Variants in CCDC6 observed in about 807,000 individuals in gnomAD.
The protein encoded by CCDC6 is coiled-coil domain-containing protein 6.
A neutral mutation model predicts 56.6 loss-of-function variants in CCDC6; 20 were observed. That is an observed-to-expected ratio of 0.35 (90% CI 0.25 to 0.51). The LOEUF is 0.51. CCDC6 is among the 20% of genes least tolerant of loss of function. The probability of loss-of-function intolerance (pLI) is 0.95; values close to 1 mark genes in which losing one functional copy is unlikely to be tolerated. For missense variants in CCDC6, 367 were observed against 601.1 expected (o/e 0.61, Z 4.07); for synonymous variants, 241 against 234.4 (o/e 1.03, Z -0.26).
intron 1 of CCDC6, 85 bp downstream of exon 1, chr10:59,906,037 A>T (rs1589069206): frequency 8.5e-7 from 1 of 1,177,592 alleles, no homozygotes; most frequent in East Asian, 2.5e-5. Flanking sequence ...TCTGGGGAAG[A>T]CTTGGGGGGT....
At chr10:59,892,860 T>C (rs938226542) in intron 1 of CCDC6, among the ~76,000 whole-genome samples, 2 of 152,144 alleles carry the variant, frequency 1.3e-5, no homozygotes, top group Admixed American at 6.5e-5. Context: ...ACATAAGTCC[T>C]GTAGGGCCTG....
intron 3 of CCDC6, among the ~76,000 whole-genome samples, chr10:59,826,956 C>T (rs765135973): frequency 5.3e-5 from 8 of 152,198 alleles, no homozygotes; most frequent in Non-Finnish European, 1.0e-4. Flanking sequence ...TCAACCTTGT[C>T]TCGGCCCTCC....
intron 1 of CCDC6, among the ~76,000 whole-genome samples, chr10:59,878,008 T>G (rs2071299414): frequency 6.6e-6 from 1 of 152,206 alleles, no homozygotes; most frequent in Non-Finnish European, 1.5e-5. Flanking sequence ...CACAACTAAG[T>G]TCGGGTATCT....
chr10:59,808,955 T>C (rs1174872696), intron 5 of CCDC6, among the ~76,000 whole-genome samples: 3 of 152,340 alleles, frequency 2.0e-5, no homozygotes, highest in Admixed American at 1.3e-4. Context: ...ACTAAATCCC[T>C]TGGCTGTTTC....
chr10:59,805,976 G>A (rs2070619083), intron 6 of CCDC6, among the ~76,000 whole-genome samples: 1 of 152,154 alleles, frequency 6.6e-6, no homozygotes. Flanking sequence ...TCAACAGGCA[G>A]TACTACTCGT....
rs540299060 is a variant in CCDC6, at chr10:59,897,447, GT to G, written c.303+8674del. On this transcript the variant is annotated intron_variant, in intron 1 of 8. Transcript: ENST00000263102. ...TTTTTGTATTTTTAGTAGAGAAGGG[GT>G]TTCTCCATGTTAGTCAGGCTGGTCT... Among the ~76,000 whole-genome samples, 783 of 152,154 alleles carry G rather than the reference GT, an allele frequency of 5.1e-3. 4 individuals carry two copies. The highest frequency in any genetic ancestry group is 8.2e-3 in the Non-Finnish European group (557 of 68,002).
rs1172379933 is a variant in CCDC6, at chr10:59,876,073, C to CTTTTTTTTTTTTTTTTT, written c.304-23388_304-23372dup. On this transcript the variant is annotated intron_variant, in intron 1 of 8. Coordinates refer to ENST00000263102, the MANE Select transcript of CCDC6 (RefSeq NM_005436.5). ...CATACACGAGTGCATGCACAGATGT[C>CTTTTTTTTTTTTTTTTT]TTTTTTTTTTTTTTTTTTCAGATCG... Among the ~76,000 whole-genome samples the CTTTTTTTTTTTTTTTTT allele has an allele frequency of 8.2e-5, 8 of 97,584 alleles. 2 individuals are homozygous for CTTTTTTTTTTTTTTTTT. The highest frequency in any genetic ancestry group is 1.3e-4 in the Admixed American group (1 of 7,822). 64.0% of individuals were successfully genotyped at this position (97,584 alleles called of 152,430 possible). A position where few individuals can be genotyped will look rare whatever the true frequency, so the allele number is the denominator to read the frequency against.
chr10:59,886,075 G>T (rs1171814), intron 1 of CCDC6, among the ~76,000 whole-genome samples: 64,417 of 152,048 alleles, frequency 0.42, 14,706 homozygotes, highest in East Asian at 0.63. Context: ...TAATATCTGT[G>T]AGATGAACAA....
At chr10:59,838,577 T>C (rs1432733692) in intron 2 of CCDC6, among the ~76,000 whole-genome samples, 4 of 152,222 alleles carry the variant, frequency 2.6e-5, no homozygotes, top group South Asian at 2.1e-4. Context: ...TCAGGGTTCA[T>C]GCATGCAGCA....
intron 2 of CCDC6, among the ~76,000 whole-genome samples, chr10:59,834,690 G>A (rs75786803): frequency 0.014 from 2,067 of 152,130 alleles, 54 homozygotes; most frequent in African/African-American, 0.045. Context: ...AAATAACCTC[G>A]TCAATCTTGC....
At chr10:59,837,498 A>G (rs2070892960) in intron 2 of CCDC6, among the ~76,000 whole-genome samples, 1 of 152,130 alleles carries the variant, frequency 6.6e-6, no homozygotes, top group Non-Finnish European at 1.5e-5. Flanking sequence ...TAATCCCAGC[A>G]CTTGGGAGGC....
rs112928395 is a variant in CCDC6 at position 59,805,995 on chromosome 10, T to C, written c.1004+927A>G. ...CAGGCAGTACTACTCGTCACAGCCA[T>C]GAGTAGGCCTGGTTTCAGACACTGA... is the stretch of plus-strand genomic sequence containing the variant. On this transcript the variant is annotated intron_variant, in intron 6 of 8. Coordinates refer to ENST00000263102, the MANE Select transcript of CCDC6 (RefSeq NM_005436.5). 2.6e-3 allele frequency among the ~76,000 whole-genome samples: 400 copies of C among 152,284 alleles called. 3 individuals are homozygous for C. The highest frequency in any genetic ancestry group is 9.0e-3 in the African/African-American group (372 of 41,552).
chr10:59,833,792 G>A (rs2070855254), intron 2 of CCDC6, among the ~76,000 whole-genome samples: 1 of 152,130 alleles, frequency 6.6e-6, no homozygotes, highest in South Asian at 2.1e-4. Context: ...TATGTTCAAA[G>A]CCATTTCTTT....
At chr10:59,841,048 G>C (rs1356409824) in intron 2 of CCDC6, among the ~76,000 whole-genome samples, 1 of 152,168 alleles carries the variant, frequency 6.6e-6, no homozygotes, top group Non-Finnish European at 1.5e-5. Context: ...CTCCCATGCA[G>C]AATAAAAGCC....
chr10:59,816,204 GAACA>G (rs1339260373), intron 3 of CCDC6, among the ~76,000 whole-genome samples: 1 of 152,084 alleles, frequency 6.6e-6, no homozygotes, highest in Non-Finnish European at 1.5e-5. Flanking sequence ...CTCAGAACCT[GAACA>G]ATCAAGACCT....
chr10:59,857,000 C>A (rs938594062), intron 1 of CCDC6, among the ~76,000 whole-genome samples: 1 of 152,196 alleles, frequency 6.6e-6, no homozygotes, highest in African/African-American at 2.4e-5. Context: ...GTTCCATATT[C>A]AGGTTCTAGT....
At chr10:59,831,851 T>C (rs2070837808) in intron 3 of CCDC6, among the ~76,000 whole-genome samples, 1 of 152,204 alleles carries the variant, frequency 6.6e-6, no homozygotes, top group African/African-American at 2.4e-5. Context: ...CCAACACCAA[T>C]GCCTGCTGAG....
chr10:59,835,075 G>A (rs7072682), intron 2 of CCDC6, among the ~76,000 whole-genome samples: 2,640 of 152,294 alleles, frequency 0.017, 91 homozygotes, highest in African/African-American at 0.059. Flanking sequence ...ATTGAGAGAT[G>A]ATAAGCTTAA....
Position 59,874,693 on chromosome 10 carries a change from G to A in CCDC6, c.304-21991C>T, listed in dbSNP as rs920563197. Among the ~76,000 whole-genome samples the A allele has an allele frequency of 8.6e-5, 13 of 150,966 alleles. No homozygotes were observed. The South Asian group carries it at 1.7e-3, about 20-fold the overall frequency. ...ATCTTGGGTTCTCTGAATGGGACCCGTATAATCACAGAGGTCCTTTAAAAT... is the reference window on the plus strand; with the variant it reads ...ATCTTGGGTTCTCTGAATGGGACCCATATAATCACAGAGGTCCTTTAAAAT... On this transcript the variant is annotated intron_variant, in intron 1 of 8. Transcript: ENST00000263102.
Sources: gnomAD v4.1 joint callset for allele counts (sites outside exome capture counted in the v4.1 genomes callset) on GRCh38, gnomAD v4.1.1 for gene constraint, MANE v1.5 for transcripts, NCBI Gene and HGNC (gene_info 2026-07-23, HGNC 2026-07-21) for gene names.